The following SRGAP1 variants were observed in gnomAD, a reference collection of about 807,000 sequenced individuals.
SRGAP1 encodes the protein SLIT-ROBO Rho GTPase-activating protein 1.
A neutral mutation model predicts 121.9 loss-of-function variants in SRGAP1; 43 were observed. The ratio of observed to expected loss-of-function variants is 0.35; its 90% CI spans 0.28 to 0.46. The LOEUF is 0.46. Among genes scored for constraint, SRGAP1 ranks in the 20% least tolerant of loss-of-function variants. The pLI, the probability that SRGAP1 is intolerant of heterozygous loss-of-function variation, is 1.00. For synonymous variants in SRGAP1, 447 were observed against 485.4 expected, an observed-to-expected ratio of 0.92 and a Z score of 1.04; for missense variants, 1,102 against 1,350.9, an observed-to-expected ratio of 0.82 and a Z score of 2.89.
chr12:63,955,260 C>T (rs957034891), intron 1 of SRGAP1, among the ~76,000 whole-genome samples: 1 of 151,582 alleles, frequency 6.6e-6, no homozygotes, highest in Non-Finnish European at 1.5e-5. Flanking sequence ...CACAGGTTGC[C>T]GTGAGCCGGG....
At chr12:63,944,997 T>C (rs556788838) in intron 1 of SRGAP1, among the ~76,000 whole-genome samples, 3 of 152,232 alleles carry the variant, frequency 2.0e-5, no homozygotes, top group African/African-American at 7.2e-5. Context: ...GATCCACTTC[T>C]CATGAAATCC....
chr12:63,845,155 C>T (rs1349776023), intron 1 of SRGAP1, among the ~76,000 whole-genome samples: 3 of 152,214 alleles, frequency 2.0e-5, no homozygotes, highest in Non-Finnish European at 4.4e-5. Flanking sequence ...TTTAACTTAA[C>T]CACCTTCAGC....
In SRGAP1 at chr12:64,000,239, G is replaced by GGGGT. The variant is rs375204504; in HGVS notation, c.426+10168_426+10169insGGTG. 3.2e-4 allele frequency among the ~76,000 whole-genome samples: 42 copies of GGGGT among 131,550 alleles called. No individual in the cohort carries two copies. The South Asian group carries it at 4.3e-3, about 13-fold the overall frequency. 86.3% of individuals were successfully genotyped at this position (131,550 alleles called of 152,430 possible). ...AAGAACATTGGTCAAGAAAGGTAGG[G>GGGGT]GTGTGTGTGTGTGTGTGTGTGTGTG... On this transcript the variant is annotated intron_variant, in intron 3 of 21. Transcript: ENST00000355086.
At chr12:64,003,720 C>G (rs1399326177) in intron 3 of SRGAP1, among the ~76,000 whole-genome samples, 2 of 151,944 alleles carry the variant, frequency 1.3e-5, no homozygotes, top group African/African-American at 4.8e-5. Context: ...ACCCAAATGT[C>G]TAACATTTGT....
chr12:64,051,803 T>G (rs1488288526), intron 6 of SRGAP1, among the ~76,000 whole-genome samples: 1 of 152,162 alleles, frequency 6.6e-6, no homozygotes, highest in Non-Finnish European at 1.5e-5. Flanking sequence ...TCTCTGTATC[T>G]CTCTGAGAAA....
chr12:64,105,854 C>T (rs1189424112), intron 15 of SRGAP1, among the ~76,000 whole-genome samples: 2 of 152,056 alleles, frequency 1.3e-5, no homozygotes, highest in African/African-American at 4.8e-5. Context: ...AATGTAGCCT[C>T]CAGAGTGACT....
chr12:64,111,237 G>T (rs948983443), intron 16 of SRGAP1, among the ~76,000 whole-genome samples: 3 of 152,224 alleles, frequency 2.0e-5, no homozygotes, highest in South Asian at 4.2e-4. Flanking sequence ...AGTGTTGAAT[G>T]TCTTACCCAA....
chr12:64,013,471 T>C (rs1389276690), intron 3 of SRGAP1, among the ~76,000 whole-genome samples: 1 of 152,200 alleles, frequency 6.6e-6, no homozygotes, highest in Admixed American at 6.5e-5. Flanking sequence ...AAGAAAATCA[T>C]TAATTTCTAC....
At chr12:64,086,890 G>A (rs957809926) in intron 10 of SRGAP1, 109 bp from the exon 11 acceptor site, 4 of 766,414 alleles carry the variant, frequency 5.2e-6, no homozygotes. Context: ...AAACGTGTAA[G>A]TTATTACAAA....
intron 4 of SRGAP1, among the ~76,000 whole-genome samples, chr12:64,029,891 G>T (rs993708438): frequency 3.3e-5 from 5 of 151,318 alleles, no homozygotes; most frequent in Non-Finnish European, 7.4e-5. Flanking sequence ...CTGGGCAATA[G>T]AGCAAGACTC....
chr12:63,969,772 T>C (rs930853464), intron 1 of SRGAP1, among the ~76,000 whole-genome samples: 1 of 150,974 alleles, frequency 6.6e-6, no homozygotes, highest in Non-Finnish European at 1.5e-5. Flanking sequence ...CCAGCCTGGG[T>C]GACAGAGCGA....
At chr12:64,020,859 A>AAG (rs1555166839) in intron 4 of SRGAP1, among the ~76,000 whole-genome samples, 2,076 of 150,790 alleles carry the variant, frequency 0.014, 60 homozygotes, top group African/African-American at 0.048. Flanking sequence ...AAAAAAAAAA[A>AAG]AAAGAAAAGA....
chr12:64,076,134 G>T (rs2035733776), intron 8 of SRGAP1, among the ~76,000 whole-genome samples: 2 of 152,112 alleles, frequency 1.3e-5, no homozygotes, highest in South Asian at 4.1e-4. Context: ...TGCCCCTAAT[G>T]GTTTGGGAAA....
At chr12:63,982,116 C>G in intron 1 of SRGAP1, among the ~76,000 whole-genome samples, 1 of 151,978 alleles carries the variant, frequency 6.6e-6, no homozygotes, top group East Asian at 1.9e-4. Context: ...GAGGCTGAGA[C>G]AGGAGAATGG....
intron 1 of SRGAP1, among the ~76,000 whole-genome samples, chr12:63,849,268 G>C (rs1376622799): frequency 6.6e-6 from 1 of 152,108 alleles, no homozygotes; most frequent in Non-Finnish European, 1.5e-5. Flanking sequence ...GCTAGCAGAA[G>C]GTTTTGAATT....
chr12:63,874,809 T>A (rs1444639950), intron 1 of SRGAP1, among the ~76,000 whole-genome samples: 5 of 152,130 alleles, frequency 3.3e-5, no homozygotes, highest in South Asian at 4.1e-4. Flanking sequence ...TATAATTACT[T>A]TTATTATATA....
chr12:63,989,691 T>C (rs764806769), intron 2 of SRGAP1, among the ~76,000 whole-genome samples: 4 of 152,210 alleles, frequency 2.6e-5, no homozygotes, highest in Admixed American at 6.5e-5. Context: ...TGGTCCAAGT[T>C]TTTCCTTCCA....
intron 7 of SRGAP1, among the ~76,000 whole-genome samples, chr12:64,064,463 C>G (rs1205875747): frequency 2.0e-5 from 3 of 152,164 alleles, no homozygotes; most frequent in Admixed American, 2.0e-4. Context: ...CGTGACTTGG[C>G]TGATATTGGT....
intron 21 of SRGAP1, among the ~76,000 whole-genome samples, chr12:64,138,179 C>T (rs1369259184): frequency 2.0e-5 from 3 of 151,764 alleles, no homozygotes; most frequent in Non-Finnish European, 4.4e-5. Flanking sequence ...ATGAATTGGA[C>T]TCCTTTAGTT....
Sources: allele counts gnomAD v4.1 joint callset (sites outside exome capture counted in the v4.1 genomes callset), GRCh38; gene constraint gnomAD v4.1.1; transcripts MANE v1.5; gene names NCBI Gene and HGNC (gene_info 2026-07-23, HGNC 2026-07-21).